The following TENM4 variants were observed in gnomAD, a reference collection of about 807,000 sequenced individuals.
The protein encoded by TENM4 is teneurin-4.
A neutral mutation model predicts 243.3 loss-of-function variants in TENM4; 82 were observed. That is an observed-to-expected ratio of 0.34 (90% CI 0.28 to 0.40). TENM4 has a LOEUF of 0.40. Ranked by LOEUF, TENM4 falls within the 10% of genes least tolerant of loss-of-function variation. The probability of loss-of-function intolerance (pLI) is 1.00; values close to 1 mark genes in which losing one functional copy is unlikely to be tolerated. For synonymous variants in TENM4, 1,412 were observed against 1,456.3 expected, an observed-to-expected ratio of 0.97 and a Z score of 0.69; for missense variants, 3,138 against 3,673.3, an observed-to-expected ratio of 0.85 and a Z score of 3.77.
intron 4 of TENM4, among the ~76,000 whole-genome samples, chr11:79,105,686 A>G (rs890300970): frequency 1.4e-4 from 22 of 152,164 alleles, no homozygotes; most frequent in African/African-American, 4.8e-4. Flanking sequence ...CCCTTCCCCA[A>G]GCTGGTTTCA....
chr11:79,170,846 A>T (rs1407086920), intron 3 of TENM4, among the ~76,000 whole-genome samples: 1 of 152,140 alleles, frequency 6.6e-6, no homozygotes, highest in Non-Finnish European at 1.5e-5. Context: ...TAGGAGCCGG[A>T]GAGACCTTTT....
intron 6 of TENM4, among the ~76,000 whole-genome samples, chr11:78,997,514 C>T (rs1858205642): frequency 6.6e-6 from 1 of 152,126 alleles, no homozygotes; most frequent in Non-Finnish European, 1.5e-5. Flanking sequence ...CAGGAGCTAC[C>T]CACATGCAAA....
At chr11:79,381,822 G>C (rs149250944) in intron 1 of TENM4, among the ~76,000 whole-genome samples, 76 of 152,132 alleles carry the variant, frequency 5.0e-4, no homozygotes, top group Middle Eastern at 3.4e-3. Context: ...ATTTCCCTCA[G>C]ACCACACAGT....
rs546187413 is a variant in TENM4, at chr11:78,898,913, A to G, written c.749+4355T>C. ...ATTGAATAATAAAACACTACATAAT[A>G]AGTAGTTGAGCATTTACTATATGCT... On this transcript the variant is annotated intron_variant, in intron 7 of 33. Transcript: ENST00000278550. 1.5e-3 allele frequency among the ~76,000 whole-genome samples: 221 copies of G among 152,194 alleles called. 1 individual carries two copies. The highest frequency in any genetic ancestry group is 1.8e-3 in the Non-Finnish European group (120 of 68,032).
intron 3 of TENM4, among the ~76,000 whole-genome samples, chr11:79,150,890 C>A (rs1862495454): frequency 6.6e-6 from 1 of 152,150 alleles, no homozygotes; most frequent in Admixed American, 6.6e-5. Flanking sequence ...TTATTTTATT[C>A]TACTTAATCT....
At position 78,656,419 on chromosome 11, in the gene TENM4, T is replaced by C. The variant is rs1413953947; in HGVS notation, c.*1639A>G. On this transcript the variant is annotated 3_prime_UTR_variant, in exon 34 of 34. Transcript: ENST00000278550. ...AGCCTCCTGTGAGTGGTAATGACAA[T>C]GGTAATTAGGCGGATGAACCAGGAA... 1 of 152,128 alleles carries C rather than the reference T, an allele frequency of 6.6e-6. No homozygotes were observed. The highest frequency in any genetic ancestry group is 6.5e-5 in the Admixed American group (1 of 15,268). 9.4% of individuals were successfully genotyped at this position (152,128 alleles called of 1,614,324 possible). A position where few individuals can be genotyped will look rare whatever the true frequency, so the allele number is the denominator to read the frequency against.
At position 79,101,923 on chromosome 11, in the gene TENM4, A is replaced by T. The variant is rs115037432; in HGVS notation, c.-65-31914T>A. On this transcript the variant is annotated intron_variant, in intron 4 of 33. Coordinates refer to ENST00000278550, the MANE Select transcript of TENM4 (RefSeq NM_001098816.3). The stretch of plus-strand genomic sequence containing the variant: ...GCTGTCTTCTAGCTCCAGAAGATTT[A>T]TGATGAGAGACTGGATAGTGCCAGG... Among the ~76,000 whole-genome samples, 535 of 152,288 alleles carry T rather than the reference A, an allele frequency of 3.5e-3. 6 individuals are homozygous for T. Among genetic ancestry groups the T allele is most frequent in the African/African-American group, 0.012 (515 of 41,570 alleles).
chr11:79,241,340 G>A lies in TENM4; in HGVS notation c.-264-25431C>T, dbSNP rs149999660. On this transcript the variant is annotated intron_variant, in intron 2 of 33. Transcript: ENST00000278550. ...GGGCCAGGCAGCAAGGTGGCAAGCA[G>A]GGACGGGCTGGCAGTGTGACTTGGA... 4.7e-4 allele frequency among the ~76,000 whole-genome samples: 72 copies of A among 152,172 alleles called. 2 individuals are homozygous for A. The East Asian group carries it at 0.013, about 27-fold the overall frequency.
At chr11:78,781,642 G>C (rs1856839348) in intron 16 of TENM4, among the ~76,000 whole-genome samples, 1 of 152,144 alleles carries the variant, frequency 6.6e-6, no homozygotes, top group Admixed American at 6.5e-5. Flanking sequence ...AACATGGCAA[G>C]AGGCTTTCCA....
intron 17 of TENM4, among the ~76,000 whole-genome samples, chr11:78,773,724 A>G (rs1856687623): frequency 6.6e-6 from 1 of 152,222 alleles, no homozygotes; most frequent in African/African-American, 2.4e-5. Context: ...AACTTGATTT[A>G]CAAAAATAGG....
intron 2 of TENM4, among the ~76,000 whole-genome samples, chr11:79,219,391 G>C (rs1864115589): frequency 1.3e-5 from 2 of 152,208 alleles, no homozygotes; most frequent in Non-Finnish European, 2.9e-5. Flanking sequence ...CATAATTGGA[G>C]ATCTGCTCTA....
intron 1 of TENM4, among the ~76,000 whole-genome samples, chr11:79,395,627 C>T (rs1278515706): frequency 6.6e-6 from 1 of 152,178 alleles, no homozygotes; most frequent in Non-Finnish European, 1.5e-5. Context: ...TTCTATGGCT[C>T]CCAGAAGGTA....
At chr11:79,161,075 GA>G (rs1862736161) in intron 3 of TENM4, among the ~76,000 whole-genome samples, 1 of 152,304 alleles carries the variant, frequency 6.6e-6, no homozygotes, top group African/African-American at 2.4e-5. Context: ...CAGCATGTTA[GA>G]AAAAGATAAA....
intron 12 of TENM4, among the ~76,000 whole-genome samples, chr11:78,821,808 A>G (rs1857740292): frequency 6.6e-6 from 1 of 152,232 alleles, no homozygotes; most frequent in African/African-American, 2.4e-5. Context: ...GGTCCAGTGA[A>G]TAAGGACTAT....
chr11:79,379,750 T>A (rs1241483894), intron 1 of TENM4, among the ~76,000 whole-genome samples: 1 of 152,178 alleles, frequency 6.6e-6, no homozygotes. Flanking sequence ...GGCCATCCTG[T>A]TCCAGAGCCC....
At chr11:79,283,200 TCACACACACACAAA>T (rs572449546) in intron 2 of TENM4, among the ~76,000 whole-genome samples, 4,727 of 125,002 alleles carry the variant, frequency 0.038, 107 homozygotes, top group African/African-American at 0.069. Flanking sequence ...GACAAAGACA[TCACACACACACAAA>T]CACACACACA....
intron 3 of TENM4, among the ~76,000 whole-genome samples, chr11:79,162,742 C>T (rs1862779028): frequency 6.6e-6 from 1 of 152,130 alleles, no homozygotes; most frequent in South Asian, 2.1e-4. Flanking sequence ...GCGGGCTCAC[C>T]CCTCCCTGGC....
At chr11:79,240,741 CT>C (rs1193196018) in intron 2 of TENM4, among the ~76,000 whole-genome samples, 4 of 152,162 alleles carry the variant, frequency 2.6e-5, no homozygotes, top group Non-Finnish European at 5.9e-5. Context: ...AGCCTGGGGT[CT>C]TTTAAAAATA....
At chr11:78,888,875 A>AAGGACCTCT (rs1320637013) in intron 9 of TENM4, among the ~76,000 whole-genome samples, 1 of 152,220 alleles carries the variant, frequency 6.6e-6, no homozygotes, top group Non-Finnish European at 1.5e-5. Context: ...AATTACAGGA[A>AAGGACCTCT]AGGACCTCTA....
Sources: allele counts gnomAD v4.1 joint callset (sites outside exome capture counted in the v4.1 genomes callset), GRCh38; gene constraint gnomAD v4.1.1; transcripts MANE v1.5; gene names NCBI Gene and HGNC (gene_info 2026-07-23, HGNC 2026-07-21).